Variants in CNTN3 observed in about 807,000 individuals in gnomAD.
CNTN3 encodes contactin 3.
Under a neutral mutation model 119.1 loss-of-function variants are expected in CNTN3, and 60 were observed. The observed-to-expected ratio is 0.50, with a 90% CI of 0.41 to 0.62. The LOEUF (loss-of-function observed/expected upper bound fraction) is 0.62, where lower values mean the gene tolerates loss of function less well. CNTN3 is among the 20% of genes least tolerant of loss of function. The probability of loss-of-function intolerance (pLI) is 0.00; values close to 1 mark genes in which losing one functional copy is unlikely to be tolerated. For synonymous variants in CNTN3, 450 were observed against 438.7 expected (o/e 1.03, Z -0.32); for missense variants, 1,101 against 1,242.4 (o/e 0.89, Z 1.71).
chr3:74,268,559 G>C (rs753955137), intron 20 of CNTN3, among the ~76,000 whole-genome samples: 47 of 152,046 alleles, frequency 3.1e-4, no homozygotes, highest in Non-Finnish European at 5.7e-4. Context: ...GATTTCTTTT[G>C]CTTTTTGTCT....
chr3:74,440,719 G>A (rs1394517548), intron 4 of CNTN3, among the ~76,000 whole-genome samples: 1 of 151,976 alleles, frequency 6.6e-6, no homozygotes, highest in Non-Finnish European at 1.5e-5. Context: ...TTGTTACAAA[G>A]GTATACATGT....
intron 1 of CNTN3, among the ~76,000 whole-genome samples, chr3:74,541,391 G>A (rs1386238049): frequency 1.5e-5 from 1 of 64,788 alleles, no homozygotes; most frequent in Non-Finnish European, 3.0e-5. Flanking sequence ...TTCAGTCAAT[G>A]GACTACCACA....
intron 13 of CNTN3, among the ~76,000 whole-genome samples, chr3:74,310,206 GA>G (rs1045365423): frequency 5.9e-5 from 9 of 151,554 alleles, no homozygotes; most frequent in Non-Finnish European, 7.4e-5. Flanking sequence ...TTACATAAGA[GA>G]AAAAAAACAT....
Position 74,448,853 on chromosome 3 carries a change from T to A in CNTN3, c.359-23913A>T, listed in dbSNP as rs931073770. On this transcript the variant is annotated intron_variant, in intron 4 of 22. Coordinates refer to ENST00000263665, the MANE Select transcript of CNTN3 (RefSeq NM_020872.3). ...TTCTCTGTTATACAAGATCTATCAC[T>A]ATATACCACACATTCATACTTTACC... Among the ~76,000 whole-genome samples, 37 of 152,128 alleles carry A rather than the reference T, an allele frequency of 2.4e-4. 1 individual carries two copies. The highest frequency in any genetic ancestry group is 8.9e-4 in the African/African-American group (37 of 41,458).
At chr3:74,460,321 T>TC (rs1702341811) in intron 4 of CNTN3, among the ~76,000 whole-genome samples, 1 of 151,930 alleles carries the variant, frequency 6.6e-6, no homozygotes. Context: ...CACAAAGACC[T>TC]CCCTGGGATT....
At chr3:74,384,800 T>G (rs1227328947) in intron 5 of CNTN3, among the ~76,000 whole-genome samples, 1 of 152,190 alleles carries the variant, frequency 6.6e-6, no homozygotes, top group Non-Finnish European at 1.5e-5. Flanking sequence ...TTTTTCTGTC[T>G]TTTCTGAGAC....
intron 13 of CNTN3, among the ~76,000 whole-genome samples, chr3:74,330,413 G>A (rs1024549130): frequency 6.6e-6 from 1 of 151,706 alleles, no homozygotes; most frequent in African/African-American, 2.4e-5. Flanking sequence ...TAATATTACA[G>A]CACAATGCCT....
At chr3:74,379,263 C>T (rs1704553691) in intron 5 of CNTN3, among the ~76,000 whole-genome samples, 1 of 152,154 alleles carries the variant, frequency 6.6e-6, no homozygotes, top group South Asian at 2.1e-4. Context: ...TCAAGTGATT[C>T]TCCTGCCTCA....
At chr3:74,454,521 A>C (rs1702228651) in intron 4 of CNTN3, among the ~76,000 whole-genome samples, 1 of 151,896 alleles carries the variant, frequency 6.6e-6, no homozygotes, top group South Asian at 2.1e-4. Context: ...TTTTAAAGTT[A>C]ATATTGTTAT....
chr3:74,444,936 C>A (rs542259076), intron 4 of CNTN3, among the ~76,000 whole-genome samples: 19 of 152,096 alleles, frequency 1.2e-4, no homozygotes, highest in Middle Eastern at 3.4e-3. Flanking sequence ...AATCTCTTCC[C>A]CACAATGCCA....
intron 3 of CNTN3, among the ~76,000 whole-genome samples, chr3:74,488,535 G>A (rs575420141): frequency 1.5e-4 from 23 of 152,204 alleles, no homozygotes; most frequent in Non-Finnish European, 2.9e-4. Context: ...ATGCCCTATT[G>A]TATGTCTGTA....
At chr3:74,506,227 A>C (rs1703256497) in intron 2 of CNTN3, among the ~76,000 whole-genome samples, 1 of 152,202 alleles carries the variant, frequency 6.6e-6, no homozygotes, top group Non-Finnish European at 1.5e-5. Flanking sequence ...AGTTTGATTT[A>C]AAGGTATGAT....
chr3:74,415,938 C>T (rs951458796), intron 5 of CNTN3, among the ~76,000 whole-genome samples: 23 of 152,180 alleles, frequency 1.5e-4, no homozygotes, highest in African/African-American at 5.3e-4. Context: ...GGCAGGTGTT[C>T]TCCCTGGGCC....
intron 1 of CNTN3, among the ~76,000 whole-genome samples, chr3:74,583,180 T>C (rs113974415): frequency 2.4e-4 from 36 of 152,198 alleles, no homozygotes; most frequent in African/African-American, 8.4e-4. Flanking sequence ...CCTGGTTTGG[T>C]GTGTGAGAGT....
intron 11 of CNTN3, among the ~76,000 whole-genome samples, chr3:74,345,705 A>G (rs1197830656): frequency 6.6e-6 from 1 of 152,220 alleles, no homozygotes; most frequent in African/African-American, 2.4e-5. Context: ...GGACACACAC[A>G]TAACATTTCT....
intron 2 of CNTN3, among the ~76,000 whole-genome samples, chr3:74,509,883 A>G (rs1441989325): frequency 6.6e-6 from 1 of 152,140 alleles, no homozygotes; most frequent in Non-Finnish European, 1.5e-5. Context: ...TCATCACAAC[A>G]TCATTATCCT....
chr3:74,301,637 C>G lies in CNTN3; in HGVS notation c.1945+10G>C, dbSNP rs573780352. 2 of 1,613,724 alleles carry G rather than the reference C, an allele frequency of 1.2e-6. No individual in the cohort carries two copies. The highest frequency in any genetic ancestry group is 1.7e-6 in the Non-Finnish European group (2 of 1,179,796). On this transcript the variant is annotated intron_variant, in intron 15 of 22. Coordinates refer to ENST00000263665, the MANE Select transcript of CNTN3 (RefSeq NM_020872.3). Reference sequence around the variant, plus strand: ...ATGTGTGCAGATGACATCTGCCTCTCCTGCTTTACCTGTTGTGACGGTTTG... The same window carrying G: ...ATGTGTGCAGATGACATCTGCCTCTGCTGCTTTACCTGTTGTGACGGTTTG...
At chr3:74,496,647 C>T (rs1703069711) in intron 3 of CNTN3, among the ~76,000 whole-genome samples, 1 of 151,986 alleles carries the variant, frequency 6.6e-6, no homozygotes, top group African/African-American at 2.4e-5. Flanking sequence ...TTTCTAACCC[C>T]ATAAAAAGTG....
chr3:74,538,148 G>C (rs992043424), intron 1 of CNTN3, among the ~76,000 whole-genome samples: 15 of 152,222 alleles, frequency 9.9e-5, no homozygotes, highest in Non-Finnish European at 2.1e-4. Flanking sequence ...ACAATTTCTT[G>C]TGTCATCTGA....
Sources: allele counts gnomAD v4.1 joint callset (sites outside exome capture counted in the v4.1 genomes callset), GRCh38; gene constraint gnomAD v4.1.1; transcripts MANE v1.5; gene names NCBI Gene and HGNC (gene_info 2026-07-23, HGNC 2026-07-21).